The following DCT variants were observed in gnomAD, a reference collection of about 807,000 sequenced individuals.
DCT encodes the protein dopachrome tautomerase, also known as L-dopachrome tautomerase.
DCT carries 47 observed loss-of-function variants against 53.0 expected under a neutral mutation model. The ratio of observed to expected loss-of-function variants is 0.89; its 90% CI spans 0.70 to 1.13. DCT has a LOEUF of 1.13. DCT is among the 50% of genes most tolerant of loss of function. The pLI is 0.00. For missense variants in DCT, 669 were observed against 637.4 expected (o/e 1.05, Z -0.53); for synonymous variants, 244 against 237.0 (o/e 1.03, Z -0.27).
chr13:94,519,018 G>A, the DCT span, among the ~76,000 whole-genome samples: 2 of 151,794 alleles, frequency 1.3e-5, no homozygotes, highest in Non-Finnish European at 1.5e-5. Flanking sequence ...TTTCTTCCTT[G>A]CCCCACCCAC....
chr13:94,452,809 G>A, intron 6 of DCT: 1 of 471,476 alleles, frequency 2.1e-6, no homozygotes, highest in Non-Finnish European at 3.7e-6. Flanking sequence ...TTTGGAATAA[G>A]TTAAAAAAAA....
Position 94,478,960 on chromosome 13 carries a change from C to A in DCT, c.295+1G>T, listed in dbSNP as rs1277883167. On this transcript the variant is annotated splice_donor_variant, in intron 1 of 7. Transcript: ENST00000377028. LOFTEE classifies it high-confidence loss of function. ...CACCAAGCTTGGAGCATGGGCCTCA[C>A]CTGTGCACTTGCAGGTCCGGTGGAA... 1 of 1,606,702 alleles carries A rather than the reference C, an allele frequency of 6.2e-7. No individual in the cohort carries two copies. Among genetic ancestry groups the A allele is most frequent in the Non-Finnish European group, 8.5e-7 (1 of 1,175,188 alleles).
At chr13:94,542,777 C>T in the DCT span, among the ~76,000 whole-genome samples, 1 of 152,144 alleles carries the variant, frequency 6.6e-6, no homozygotes, top group Non-Finnish European at 1.5e-5. Context: ...ACAAGGGTGT[C>T]CAGGCTTTCA....
At chr13:94,453,158 G>C (rs1594286579) in intron 6 of DCT, among the ~76,000 whole-genome samples, 2 of 152,076 alleles carry the variant, frequency 1.3e-5, no homozygotes, top group East Asian at 3.9e-4. Flanking sequence ...ACATGATTTA[G>C]AGTATACAGA....
At chr13:94,476,180 C>CT (rs529819051) in intron 1 of DCT, among the ~76,000 whole-genome samples, 1,252 of 72,718 alleles carry the variant, frequency 0.017, 119 homozygotes, top group African/African-American at 0.05. Flanking sequence ...GGGGGAGCCT[C>CT]TTTTTTTTTT....
At chr13:94,528,617 C>A in the DCT span, among the ~76,000 whole-genome samples, 58 of 152,294 alleles carry the variant, frequency 3.8e-4, 2 homozygotes, top group South Asian at 0.012. Flanking sequence ...ACCAGGCCTG[C>A]CTTACAAGAG....
At chr13:94,491,759 G>A in the DCT span, among the ~76,000 whole-genome samples, 6 of 152,124 alleles carry the variant, frequency 3.9e-5, no homozygotes, top group Admixed American at 1.3e-4. Context: ...TTAATCTCAC[G>A]GAAGTGCCAA....
At chr13:94,498,696 G>A in the DCT span, among the ~76,000 whole-genome samples, 1 of 152,216 alleles carries the variant, frequency 6.6e-6, no homozygotes, top group Admixed American at 6.5e-5. Context: ...GAGAGGTGAA[G>A]CCAACTGGAC....
chr13:94,472,400 C>A (rs1884702109), intron 1 of DCT, among the ~76,000 whole-genome samples: 1 of 150,958 alleles, frequency 6.6e-6, no homozygotes, highest in Non-Finnish European at 1.5e-5. Flanking sequence ...TTAAAAAATA[C>A]AACAATCAAC....
At chr13:94,529,522 A>T in the DCT span, among the ~76,000 whole-genome samples, 1 of 152,212 alleles carries the variant, frequency 6.6e-6, no homozygotes, top group South Asian at 2.1e-4. Flanking sequence ...AAACGGAACA[A>T]CCTGCTCCTG....
At chr13:94,474,055 T>C (rs1179474818) in intron 1 of DCT, among the ~76,000 whole-genome samples, 1 of 152,208 alleles carries the variant, frequency 6.6e-6, no homozygotes, top group African/African-American at 2.4e-5. Flanking sequence ...ATGATTTAGT[T>C]TTTTCTTCTT....
the DCT span, among the ~76,000 whole-genome samples, chr13:94,511,362 CTTTT>C: frequency 3.6e-5 from 3 of 83,560 alleles, no homozygotes; most frequent in Admixed American, 1.2e-4. Context: ...CTCTCTCTCT[CTTTT>C]TTTTTTTTTT....
chr13:94,503,678 TG>T, the DCT span, among the ~76,000 whole-genome samples: 9 of 152,288 alleles, frequency 5.9e-5, no homozygotes, highest in African/African-American at 1.9e-4. Context: ...GAAGACAGGA[TG>T]GGTTCTACCC....
the DCT span, among the ~76,000 whole-genome samples, chr13:94,509,440 G>A: frequency 6.8e-6 from 1 of 147,974 alleles, no homozygotes; most frequent in African/African-American, 2.5e-5. Flanking sequence ...CACACACACA[G>A]AGGAGTGTGA....
In DCT at chr13:94,446,942, G is replaced by A. The variant is rs534381664; in HGVS notation, c.1180-3305C>T. Reference sequence around the variant, plus strand: ...CATTTTATGTTAATAAACTATATCTGCAGCTATCCTATTTCCAAACAAGGT... The same window carrying A: ...CATTTTATGTTAATAAACTATATCTACAGCTATCCTATTTCCAAACAAGGT... On this transcript the variant is annotated intron_variant, in intron 6 of 7. Transcript: ENST00000377028. Among the ~76,000 whole-genome samples, 257 of 152,110 alleles carry A rather than the reference G, an allele frequency of 1.7e-3. 1 individual carries two copies. The highest frequency in any genetic ancestry group is 2.9e-3 in the Non-Finnish European group (194 of 68,020).
chr13:94,519,165 A>G, the DCT span, among the ~76,000 whole-genome samples: 1 of 152,272 alleles, frequency 6.6e-6, no homozygotes, highest in South Asian at 2.1e-4. Context: ...AAAGCCCCCT[A>G]TACTTTACCT....
At chr13:94,521,083 G>A in the DCT span, among the ~76,000 whole-genome samples, 2 of 152,170 alleles carry the variant, frequency 1.3e-5, no homozygotes, top group African/African-American at 2.4e-5. Context: ...GCAGACCTGG[G>A]TAATAGGATG....
rs1445161684 is a variant in DCT at position 94,438,786 on chromosome 13, T to A, written c.*1112A>T. 2.7e-6 allele frequency: 1 copy of A among 373,774 alleles called. No individual in the cohort carries two copies. The highest frequency in any genetic ancestry group is 3.2e-5 in the Admixed American group (1 of 31,636). The allele number at this position is 373,774 out of a possible 1,614,324, so 23.2% of individuals were successfully genotyped here. A position where few individuals can be genotyped will look rare whatever the true frequency, so the allele number is the denominator to read the frequency against. On this transcript the variant is annotated 3_prime_UTR_variant, in exon 8 of 8. Coordinates refer to ENST00000377028, the MANE Select transcript of DCT (RefSeq NM_001922.5). ...AACCACTTAATTCTGAATTGTCATG[T>A]TTTGTACAGATGGTTTGCTTTCAAA...
At chr13:94,486,949 AC>A in the DCT span, among the ~76,000 whole-genome samples, 4 of 152,234 alleles carry the variant, frequency 2.6e-5, no homozygotes, top group Non-Finnish European at 4.4e-5. Context: ...GGTAACAAAC[AC>A]ACAGCCAAGT....
Sources: allele counts gnomAD v4.1 joint callset (sites outside exome capture counted in the v4.1 genomes callset), GRCh38; gene constraint gnomAD v4.1.1; transcripts MANE v1.5; gene names NCBI Gene and HGNC (gene_info 2026-07-23, HGNC 2026-07-21).